The following MYT1L variants were observed in gnomAD, a reference collection of about 807,000 sequenced individuals.
MYT1L encodes the protein myelin transcription factor 1 like, also known as myelin transcription factor 1-like protein.
Under a neutral mutation model 126.7 loss-of-function variants are expected in MYT1L, and 12 were observed. That is an observed-to-expected ratio of 0.09 (90% confidence interval 0.06 to 0.15). The LOEUF is 0.15. Among genes scored for constraint, MYT1L ranks in the 10% least tolerant of loss-of-function variants. The pLI, the probability that MYT1L is intolerant of heterozygous loss-of-function variation, is 1.00. For missense variants in MYT1L, 979 were observed against 1,585.2 expected, an observed-to-expected ratio of 0.62 and a Z score of 6.49; for synonymous variants, 541 against 604.2, an observed-to-expected ratio of 0.90 and a Z score of 1.53.
chr2:2,072,540 C>T (rs531377575), intron 3 of MYT1L, among the ~76,000 whole-genome samples: 2 of 152,244 alleles, frequency 1.3e-5, no homozygotes, highest in Non-Finnish European at 2.9e-5. Context: ...AATAGCATAA[C>T]CTTGGTAGCT....
chr2:2,128,999 G>GA (rs1322402734), intron 3 of MYT1L, among the ~76,000 whole-genome samples: 3 of 152,198 alleles, frequency 2.0e-5, no homozygotes, highest in Non-Finnish European at 2.9e-5. Context: ...AAAATTAGTA[G>GA]AAAACTGAAT....
chr2:2,129,784 T>C (rs1307573080), intron 3 of MYT1L, among the ~76,000 whole-genome samples: 12 of 151,720 alleles, frequency 7.9e-5, no homozygotes, highest in Non-Finnish European at 1.8e-4. Flanking sequence ...CGGGCGCCTG[T>C]AGTCCCAGCT....
intron 14 of MYT1L, among the ~76,000 whole-genome samples, chr2:1,898,525 T>A (rs536471879): frequency 6.6e-6 from 1 of 152,242 alleles, no homozygotes; most frequent in African/African-American, 2.4e-5. Flanking sequence ...TTGGCACAGC[T>A]ACTGCCTGCC....
chr2:2,326,560 C>G (rs1421575771), intron 1 of MYT1L: 1 of 151,450 alleles, frequency 6.6e-6, no homozygotes, highest in Non-Finnish European at 1.5e-5. Flanking sequence ...TAAAATATTC[C>G]CCCCCGCCAA....
chr2:1,933,330 C>T (rs972881340), intron 9 of MYT1L, among the ~76,000 whole-genome samples: 7 of 152,044 alleles, frequency 4.6e-5, no homozygotes, highest in African/African-American at 1.4e-4. Flanking sequence ...GAAGTTCAGG[C>T]GACACAGATT....
intron 8 of MYT1L, among the ~76,000 whole-genome samples, chr2:1,944,197 C>T (rs1272767760): frequency 1.3e-5 from 2 of 152,028 alleles, no homozygotes; most frequent in Non-Finnish European, 2.9e-5. Context: ...TGGTATATTA[C>T]ATTAGATATA....
intron 2 of MYT1L, among the ~76,000 whole-genome samples, chr2:2,186,049 C>T (rs189649334): frequency 0.063 from 8,192 of 129,352 alleles, 299 homozygotes; most frequent in Non-Finnish European, 0.095. Flanking sequence ...CGGACGCAGC[C>T]GGGCCTCCCA....
At chr2:2,024,993 TG>T (rs2149858344) in intron 4 of MYT1L, among the ~76,000 whole-genome samples, 1 of 152,378 alleles carries the variant, frequency 6.6e-6, no homozygotes, top group East Asian at 1.9e-4. Flanking sequence ...ACTATCTCAC[TG>T]GGCTCCCGTG....
At chr2:1,792,497 C>G (rs755797259) in intron 23 of MYT1L, 33 bp from the exon 24 acceptor site, 1 of 1,601,518 alleles carries the variant, frequency 6.2e-7, no homozygotes, top group Non-Finnish European at 8.5e-7. Flanking sequence ...ACATGTAACA[C>G]CAGGAGGACC....
chr2:2,090,923 T>G (rs898074633), intron 3 of MYT1L, among the ~76,000 whole-genome samples: 9 of 152,168 alleles, frequency 5.9e-5, no homozygotes, highest in Non-Finnish European at 1.0e-4. Context: ...AGATTGATCA[T>G]GAGATTGCAG....
In MYT1L at chr2:2,260,296, G is replaced by A. The variant is rs148333851; in HGVS notation, c.-421+24108C>T. Among the ~76,000 whole-genome samples, 489 of 152,234 alleles carry A rather than the reference G, an allele frequency of 3.2e-3. 14 individuals are homozygous for A. The highest frequency in any genetic ancestry group is 0.03 in the Admixed American group (457 of 15,292). On this transcript the variant is annotated intron_variant, in intron 2 of 24. Transcript: ENST00000647738. The stretch of plus-strand genomic sequence containing the variant: ...ATAAAACTTGACAAAACTTTCCTGA[G>A]GATCAAATGAGAAAAGTTTTGTGAA...
chr2:2,019,499 G>A (rs2064809578), intron 4 of MYT1L, among the ~76,000 whole-genome samples: 2 of 152,256 alleles, frequency 1.3e-5, no homozygotes, highest in East Asian at 1.9e-4. Context: ...AACAGATTTG[G>A]TATCCAAGCC....
chr2:2,316,444 C>T (rs186786221), intron 1 of MYT1L, among the ~76,000 whole-genome samples: 2 of 152,202 alleles, frequency 1.3e-5, no homozygotes, highest in Non-Finnish European at 2.9e-5. Context: ...ACCCTAAATA[C>T]TGCCTTTAAA....
In MYT1L at chr2:1,887,511, C is replaced by T. The variant is rs1402008234; in HGVS notation, c.2619G>A (p.Lys873=). 1.2e-6 allele frequency: 2 copies of T among 1,614,008 alleles called. No individual in the cohort carries two copies. The highest frequency in any genetic ancestry group is 1.1e-5 in the South Asian group (1 of 91,084). Residue 873 remains lysine, a synonymous_variant, in exon 17 of 25, where the codon AAG becomes AAA. Transcript: ENST00000647738. This position sits in a 1 kb window ranked among gnomAD's most constrained non-coding sequence, Gnocchi z 4.8. ...PSPKPKYPQC[K]ESKKDLITLS... ...ACGTTATTAAGTCCTTTTTGCTCTC[C>T]TTGCACTGAGGGTACTTGGGTTTGG...
At chr2:2,281,863 G>C (rs1442510340) in intron 2 of MYT1L, among the ~76,000 whole-genome samples, 1 of 152,158 alleles carries the variant, frequency 6.6e-6, no homozygotes, top group Non-Finnish European at 1.5e-5. Context: ...TTGCCTTGTT[G>C]AGTTGTAAGC....
chr2:1,949,093 C>A (rs113182481), intron 8 of MYT1L, among the ~76,000 whole-genome samples: 1 of 152,096 alleles, frequency 6.6e-6, no homozygotes. Flanking sequence ...ATACCCCTCC[C>A]GTCATTTTTC....
At chr2:1,885,805 C>T (rs138318659) in intron 18 of MYT1L, among the ~76,000 whole-genome samples, 2 of 152,172 alleles carry the variant, frequency 1.3e-5, no homozygotes, top group African/African-American at 4.8e-5. Flanking sequence ...CGTATGCTCT[C>T]CCCGGATTGC....
chr2:2,004,256 G>GGCGTTCTTTCCTGCAT (rs2062828341), intron 4 of MYT1L, among the ~76,000 whole-genome samples: 2 of 73,792 alleles, frequency 2.7e-5, no homozygotes, highest in Non-Finnish European at 2.9e-5. Flanking sequence ...CTTTCCTGCA[G>GGCGTTCTTTCCTGCAT]GCGTTCTTTC....
chr2:2,151,777 C>T (rs937065431), intron 3 of MYT1L, among the ~76,000 whole-genome samples: 1 of 152,140 alleles, frequency 6.6e-6, no homozygotes, highest in East Asian at 1.9e-4. Context: ...AACTATAGGC[C>T]GGGGGCAGTG....
Sources: allele counts gnomAD v4.1 joint callset (sites outside exome capture counted in the v4.1 genomes callset), GRCh38; gene constraint gnomAD v4.1.1; non-coding constraint Gnocchi (gnomAD v3.1); transcripts MANE v1.5; gene names NCBI Gene and HGNC (gene_info 2026-07-23, HGNC 2026-07-21).